Variants in PHF14 observed in about 807,000 individuals in gnomAD.
PHF14 encodes the protein PHD finger protein 14.
PHF14 carries 55 observed loss-of-function variants against 117.9 expected under a neutral mutation model. The observed-to-expected ratio is 0.47, with a 90% confidence interval of 0.38 to 0.58. PHF14 has a LOEUF of 0.58. PHF14 is among the 20% of genes least tolerant of loss of function. The pLI is 0.00. For missense variants in PHF14, 978 were observed against 1,122.2 expected (o/e 0.87, Z 1.84); for synonymous variants, 409 against 368.6 (o/e 1.11, Z -1.26).
At chr7:11,075,272 T>C (rs1278847943) in intron 16 of PHF14, among the ~76,000 whole-genome samples, 2 of 152,102 alleles carry the variant, frequency 1.3e-5, no homozygotes, top group African/African-American at 2.4e-5. Context: ...CTACACTTCT[T>C]GGTACCAATT....
intron 7 of PHF14, among the ~76,000 whole-genome samples, chr7:11,030,419 C>CCTTT (rs1364365272): frequency 1.3e-5 from 2 of 151,952 alleles, no homozygotes; most frequent in East Asian, 3.9e-4. Context: ...AGTTTGGATT[C>CCTTT]CTTTGCACAG....
chr7:11,025,547 A>C lies in PHF14; in HGVS notation c.1317+2568A>C, dbSNP rs1783877255. ...GGTGGCTCACACCTGTAATCCCAGC[A>C]CTTTGGGAGGCCGAGGTGGGTGGAT... On this transcript the variant is annotated intron_variant, in intron 6 of 17. Coordinates refer to ENST00000634607, the MANE Select transcript of PHF14 (RefSeq NM_001007157.2). Among the ~76,000 whole-genome samples, 2 of 152,166 alleles carry C rather than the reference A, an allele frequency of 1.3e-5. 1 individual carries two copies. The highest frequency in any genetic ancestry group is 4.8e-5 in the African/African-American group (2 of 41,442).
intron 17 of PHF14, among the ~76,000 whole-genome samples, chr7:11,137,012 C>T (rs1017364813): frequency 6.6e-6 from 1 of 152,184 alleles, no homozygotes; most frequent in African/African-American, 2.4e-5. Context: ...ACATATGCTA[C>T]GCATTTTCAG....
intron 16 of PHF14, chr7:11,062,896 C>G: frequency 1.0e-6 from 1 of 982,978 alleles, no homozygotes; most frequent in Non-Finnish European, 1.2e-6. Flanking sequence ...TAAGGGAATC[C>G]ATTCTTATTT....
intron 17 of PHF14, among the ~76,000 whole-genome samples, chr7:11,140,921 G>A (rs978912794): frequency 2.0e-5 from 3 of 151,992 alleles, no homozygotes; most frequent in Admixed American, 6.6e-5. Context: ...AACCAATACT[G>A]TTTCCTGTTT....
Position 11,111,380 on chromosome 7 carries a change from T to C in PHF14, c.2685T>C (p.Phe895=). 1 of 1,605,736 alleles carries C rather than the reference T, an allele frequency of 6.2e-7. No individual in the cohort carries two copies. Among genetic ancestry groups the C allele is most frequent in the South Asian group, 1.1e-5 (1 of 89,880 alleles). ...RCDECRLCYH[F]GCLDPPLKKS... ...ATGAATGCAGACTCTGCTACCATTTTGGCTGTTTGGATCCTCCTTTGAAAA... is the reference window on the plus strand; with the variant it reads ...ATGAATGCAGACTCTGCTACCATTTCGGCTGTTTGGATCCTCCTTTGAAAA... The change falls in exon 17 of 18, where the codon TTT becomes TTC. Residue 895 remains phenylalanine, a synonymous_variant. Coordinates refer to ENST00000634607, the MANE Select transcript of PHF14 (RefSeq NM_001007157.2).
chr7:11,083,379 T>G (rs1428214773), intron 16 of PHF14, among the ~76,000 whole-genome samples: 1 of 151,876 alleles, frequency 6.6e-6, no homozygotes, highest in Non-Finnish European at 1.5e-5. Context: ...GCACACCGTC[T>G]CTCTTTCTCC....
At chr7:10,994,321 C>A (rs1782557821) in intron 4 of PHF14, among the ~76,000 whole-genome samples, 1 of 152,128 alleles carries the variant, frequency 6.6e-6, no homozygotes, top group African/African-American at 2.4e-5. Context: ...TGCCTGTAGT[C>A]CTAGTTACTC....
intron 5 of PHF14, among the ~76,000 whole-genome samples, chr7:11,019,927 T>G (rs890523119): frequency 3.3e-5 from 5 of 152,164 alleles, no homozygotes; most frequent in African/African-American, 9.7e-5. Context: ...ATGTTGTGTT[T>G]CCATTACTAT....
At chr7:10,977,512 T>C (rs1781908331) in intron 2 of PHF14, among the ~76,000 whole-genome samples, 1 of 152,100 alleles carries the variant, frequency 6.6e-6, no homozygotes, top group African/African-American at 2.4e-5. Flanking sequence ...AACTCTATCA[T>C]AAAATAGAAA....
chr7:11,023,675 C>A (rs4370426), intron 6 of PHF14, among the ~76,000 whole-genome samples: 92,789 of 151,946 alleles, frequency 0.61, 28,800 homozygotes, highest in Middle Eastern at 0.7. Context: ...AAAAATACAA[C>A]AAATTAGCTG....
chr7:11,153,130 G>T (rs765769130), intron 17 of PHF14, among the ~76,000 whole-genome samples: 15 of 152,116 alleles, frequency 9.9e-5, no homozygotes, highest in Non-Finnish European at 4.4e-5. Flanking sequence ...ATAAAGAATA[G>T]GTATACAATT....
chr7:11,164,061 T>C, intron 17 of PHF14, among the ~76,000 whole-genome samples: 1 of 152,220 alleles, frequency 6.6e-6, no homozygotes, highest in East Asian at 1.9e-4. Flanking sequence ...GTTCCTTCTC[T>C]GGTTAGTAAA....
chr7:10,996,833 G>A (rs1782668470), intron 4 of PHF14, among the ~76,000 whole-genome samples: 2 of 152,150 alleles, frequency 1.3e-5, no homozygotes, highest in South Asian at 4.1e-4. Context: ...CAAGATAGGT[G>A]CCCAGGGCCA....
intron 7 of PHF14, among the ~76,000 whole-genome samples, chr7:11,030,471 C>CA (rs1321918843): frequency 2.0e-5 from 3 of 152,156 alleles, no homozygotes; most frequent in African/African-American, 7.2e-5. Flanking sequence ...AGCTAATTAA[C>CA]AAAAATGTGT....
chr7:10,990,823 A>C lies in PHF14; in HGVS notation c.1021A>C (p.Asn341His). 6.3e-7 allele frequency: 1 copy of C among 1,591,054 alleles called. No homozygotes were observed. Among genetic ancestry groups the C allele is most frequent in the South Asian group, 1.1e-5 (1 of 87,148 alleles). The change falls in exon 4 of 18, where the codon AAT becomes CAT. Residue 341 changes from asparagine to histidine, a missense_variant. Asn to His is a moderately conservative substitution (Grantham distance 68, BLOSUM62 1). Around this residue, in one of 7 missense-constraint regions of PHF14, gnomAD observed 86 missense variants for 137.8 expected, o/e 0.62. Coordinates refer to ENST00000634607, the MANE Select transcript of PHF14 (RefSeq NM_001007157.2). ...EDADEIIQCD[N>H]CGITVHEGCY... is the part of the protein sequence containing the mutation. ...CGCTGATGAAATAATTCAGTGTGAC[A>C]ATTGTGGCATTACAGTCCATGAAGG...
At chr7:11,123,092 G>A (rs946588035) in intron 17 of PHF14, among the ~76,000 whole-genome samples, 7 of 151,806 alleles carry the variant, frequency 4.6e-5, no homozygotes, top group South Asian at 2.1e-4. Context: ...TTTTTGATAG[G>A]CTTCTCTAGG....
At chr7:11,014,057 G>A (rs1783440446) in intron 5 of PHF14, 151 bp downstream of exon 5, 1 of 175,146 alleles carries the variant, frequency 5.7e-6, no homozygotes, top group Non-Finnish European at 1.1e-5. Context: ...GGATACAGAT[G>A]GAGAAGGGTG....
chr7:11,075,203 T>A (rs1208495008), intron 16 of PHF14, among the ~76,000 whole-genome samples: 1 of 152,132 alleles, frequency 6.6e-6, no homozygotes, highest in Non-Finnish European at 1.5e-5. Context: ...CCTCCCAAAG[T>A]GCTGGGATTA....
Sources: gnomAD v4.1 joint callset for allele counts (sites outside exome capture counted in the v4.1 genomes callset) on GRCh38, gnomAD v4.1.1 for gene constraint, gnomAD v4.1.1 regional missense constraint, MANE v1.5 for transcripts, NCBI Gene and HGNC (gene_info 2026-07-23, HGNC 2026-07-21) for gene names.